The following KIAA1328 variants were observed in gnomAD, a reference collection of about 807,000 sequenced individuals.
KIAA1328 encodes the protein KIAA1328.
KIAA1328 carries 52 observed loss-of-function variants against 68.1 expected under a neutral mutation model. That is an observed-to-expected ratio of 0.76 (90% confidence interval 0.61 to 0.96). The LOEUF (loss-of-function observed/expected upper bound fraction) is 0.96, where lower values mean the gene tolerates loss of function less well. Ranked by LOEUF, KIAA1328 falls within the 40% of genes least tolerant of loss-of-function variation. KIAA1328 has a pLI of 0.00. For synonymous variants in KIAA1328, 232 were observed against 239.4 expected (o/e 0.97, Z 0.28); for missense variants, 641 against 677.6 (o/e 0.95, Z 0.60).
chr18:37,060,867 C>G (rs921042874), intron 6 of KIAA1328, among the ~76,000 whole-genome samples: 9 of 152,202 alleles, frequency 5.9e-5, no homozygotes, highest in African/African-American at 2.2e-4. Flanking sequence ...CCTGTAATCT[C>G]AGCACTTTGG....
chr18:36,887,970 T>G (rs2048556374), intron 5 of KIAA1328, among the ~76,000 whole-genome samples: 2 of 152,156 alleles, frequency 1.3e-5, no homozygotes, highest in South Asian at 4.1e-4. Flanking sequence ...TAAGAAAATT[T>G]TGTGGTTATC....
chr18:36,858,446 T>G (rs2047450954), intron 4 of KIAA1328, among the ~76,000 whole-genome samples: 1 of 152,220 alleles, frequency 6.6e-6, no homozygotes, highest in Non-Finnish European at 1.5e-5. Context: ...TTCATTCAGC[T>G]TTCCCTAGCA....
At chr18:37,104,205 A>T (rs2057705654) in intron 7 of KIAA1328, among the ~76,000 whole-genome samples, 1 of 152,204 alleles carries the variant, frequency 6.6e-6, no homozygotes, top group South Asian at 2.1e-4. Flanking sequence ...TATCAAAGAG[A>T]TACGTACACC....
At chr18:37,006,925 A>G (rs1352512112) in intron 6 of KIAA1328, among the ~76,000 whole-genome samples, 1 of 152,190 alleles carries the variant, frequency 6.6e-6, no homozygotes, top group Non-Finnish European at 1.5e-5. Context: ...ACTCACAATA[A>G]AACTCAAAAG....
chr18:37,042,517 A>G (rs1449355475), intron 6 of KIAA1328, among the ~76,000 whole-genome samples: 1 of 152,144 alleles, frequency 6.6e-6, no homozygotes, highest in East Asian at 1.9e-4. Flanking sequence ...GCTGGATATA[A>G]AATTCTTAGT....
At position 37,225,046 on chromosome 18, in the gene KIAA1328, A is replaced by G. The variant is rs2060622380; in HGVS notation, c.*2819A>G. On this transcript the variant is annotated 3_prime_UTR_variant, in exon 10 of 10. Coordinates refer to ENST00000280020, the MANE Select transcript of KIAA1328 (RefSeq NM_020776.3). ...TGGGGACTTTTCTAGAGCACCCCAAATGTCATGGGGAGAGAGGGACTCTTT... is the reference window on the plus strand; with the variant it reads ...TGGGGACTTTTCTAGAGCACCCCAAGTGTCATGGGGAGAGAGGGACTCTTT... The G allele has an allele frequency of 1.0e-6, 1 of 985,184 alleles. No individual in the cohort carries two copies. Among genetic ancestry groups the G allele is most frequent in the African/African-American group, 1.7e-5 (1 of 57,214 alleles). The allele number at this position is 985,184 out of a possible 1,614,324, so 61.0% of individuals were successfully genotyped here.
chr18:36,978,792 A>G (rs1233543895), intron 6 of KIAA1328, among the ~76,000 whole-genome samples: 3 of 152,184 alleles, frequency 2.0e-5, no homozygotes, highest in Non-Finnish European at 2.9e-5. Context: ...TCAAGATTGT[A>G]GTCCCATAGT....
chr18:37,117,581 A>G (rs965235027), intron 7 of KIAA1328, among the ~76,000 whole-genome samples: 1 of 152,202 alleles, frequency 6.6e-6, no homozygotes, highest in Non-Finnish European at 1.5e-5. Flanking sequence ...AACATGGCAC[A>G]TGTATACATA....
rs538347658 is a variant in KIAA1328, at chr18:36,978,311, T to A, written c.576+18876T>A. ...GGTCACATAGGCACCCTCTACTGTA[T>A]ATCAATTTCCAGACTCCCAGAGGGA... On this transcript the variant is annotated intron_variant, in intron 6 of 9. Coordinates refer to ENST00000280020, the MANE Select transcript of KIAA1328 (RefSeq NM_020776.3). Among the ~76,000 whole-genome samples, 5 of 152,304 alleles carry A rather than the reference T, an allele frequency of 3.3e-5. No individual in the cohort carries two copies. In the East Asian group the frequency reaches 9.7e-4, roughly 29 times the overall value.
At chr18:36,980,202 C>G (rs867670511) in intron 6 of KIAA1328, among the ~76,000 whole-genome samples, 1 of 152,226 alleles carries the variant, frequency 6.6e-6, no homozygotes, top group South Asian at 2.1e-4. Flanking sequence ...ATTATTCAGC[C>G]TGTGGTATTC....
At chr18:36,892,104 C>T (rs1207980816) in intron 5 of KIAA1328, among the ~76,000 whole-genome samples, 1 of 151,944 alleles carries the variant, frequency 6.6e-6, no homozygotes, top group Non-Finnish European at 1.5e-5. Flanking sequence ...AGGAGCCAGA[C>T]TACCATGATT....
chr18:37,009,112 A>C (rs373244220), intron 6 of KIAA1328, among the ~76,000 whole-genome samples: 14 of 152,234 alleles, frequency 9.2e-5, no homozygotes, highest in African/African-American at 3.1e-4. Flanking sequence ...AGCATCTGCA[A>C]GTATATAGTC....
At position 37,220,976 on chromosome 18, in the gene KIAA1328, G is replaced by T. The variant is rs1004232523; in HGVS notation, c.1524-1041G>T. ...TGAGTAGCTGGGGCTACAGGCACAT[G>T]CCACCATGCCCGCCTAATTTTTGTA... On this transcript the variant is annotated intron_variant, in intron 9 of 9. Transcript: ENST00000280020. Among the ~76,000 whole-genome samples the T allele has an allele frequency of 2.4e-4, 37 of 152,090 alleles. 1 individual carries two copies. Among genetic ancestry groups the T allele is most frequent in the Non-Finnish European group, 1.0e-4 (7 of 68,026 alleles).
chr18:36,829,430 C>T (rs1436660724), intron 1 of KIAA1328: 3 of 1,324,472 alleles, frequency 2.3e-6, no homozygotes, highest in Non-Finnish European at 2.9e-6. Context: ...CTTCCCAGCG[C>T]TCACTACCGG....
intron 3 of KIAA1328, among the ~76,000 whole-genome samples, chr18:36,838,954 C>T (rs1159064496): frequency 2.0e-5 from 3 of 152,142 alleles, no homozygotes; most frequent in Non-Finnish European, 2.9e-5. Context: ...AGGCTGGTCT[C>T]GAACTCCTGA....
intron 7 of KIAA1328, among the ~76,000 whole-genome samples, chr18:37,143,521 CTTTTT>C (rs57046567): frequency 1.0e-3 from 94 of 90,776 alleles, no homozygotes; most frequent in Admixed American, 4.8e-3. Flanking sequence ...TTTTTTCTTT[CTTTTT>C]TTTTTTTTTT....
chr18:37,015,514 GT>G (rs534928494), intron 6 of KIAA1328, among the ~76,000 whole-genome samples: 1 of 151,860 alleles, frequency 6.6e-6, no homozygotes, highest in Admixed American at 6.6e-5. Context: ...TTTTAGAGTA[GT>G]TTTTTTTCCA....
intron 7 of KIAA1328, among the ~76,000 whole-genome samples, chr18:37,096,202 T>C (rs2057401405): frequency 6.6e-6 from 1 of 152,198 alleles, no homozygotes; most frequent in Admixed American, 6.5e-5. Context: ...ACATTAGGTA[T>C]ATCTCCTAAT....
chr18:37,067,163 A>G lies in KIAA1328; in HGVS notation c.850A>G (p.Lys284Glu). Residue 284 changes from lysine to glutamate, a missense_variant, in exon 7 of 10, where the codon AAA (lysine) becomes GAA (glutamate). Transcript: ENST00000280020. ...PGRKPAVPTE[K>E]MPQEELHMKE... Reference sequence around the variant, plus strand: ...GAGAAAACCTGCAGTCCCAACAGAGAAAATGCCACAAGAAGAATTGCACAT... The same window carrying G: ...GAGAAAACCTGCAGTCCCAACAGAGGAAATGCCACAAGAAGAATTGCACAT... 6.2e-7 allele frequency: 1 copy of G among 1,614,072 alleles called. No individual in the cohort carries two copies. The highest frequency in any genetic ancestry group is 8.5e-7 in the Non-Finnish European group (1 of 1,179,898).
Sources: allele counts gnomAD v4.1 joint callset (sites outside exome capture counted in the v4.1 genomes callset), GRCh38; gene constraint gnomAD v4.1.1; transcripts MANE v1.5; gene names NCBI Gene and HGNC (gene_info 2026-07-23, HGNC 2026-07-21).